The following ZFHX3 variants were observed in gnomAD, a reference collection of about 807,000 sequenced individuals.
ZFHX3 encodes the protein zinc finger homeobox protein 3.
Under a neutral mutation model 279.1 loss-of-function variants are expected in ZFHX3, and 42 were observed. The observed-to-expected ratio is 0.15, with a 90% confidence interval of 0.12 to 0.19. The LOEUF (loss-of-function observed/expected upper bound fraction) is 0.19, where lower values mean the gene tolerates loss of function less well. Ranked by LOEUF, ZFHX3 falls within the 10% of genes least tolerant of loss-of-function variation. ZFHX3 has a pLI of 1.00. For missense variants in ZFHX3, 4,981 were observed against 4,754.0 expected (o/e 1.05, Z -1.40); for synonymous variants, 2,293 against 1,957.8 (o/e 1.17, Z -4.52).
chr16:73,457,769 C>A (rs561476357), intron 2 of ZFHX3, among the ~76,000 whole-genome samples: 2 of 151,894 alleles, frequency 1.3e-5, no homozygotes, highest in African/African-American at 4.8e-5. Context: ...AGCGAGACTC[C>A]GTCTCAAAAA....
chr16:73,218,187 C>A (rs2012281338), intron 5 of ZFHX3, among the ~76,000 whole-genome samples: 1 of 152,124 alleles, frequency 6.6e-6, no homozygotes, highest in South Asian at 2.1e-4. Flanking sequence ...AGGCTAGAGA[C>A]AGCACATCAG....
chr16:73,652,983 G>C (rs2052685607), intron 2 of ZFHX3, among the ~76,000 whole-genome samples: 1 of 151,808 alleles, frequency 6.6e-6, no homozygotes, highest in Non-Finnish European at 1.5e-5. Context: ...GTTTATAAAA[G>C]ACATATCTAC....
At chr16:73,139,674 G>T (rs539428832) in intron 6 of ZFHX3, among the ~76,000 whole-genome samples, 40 of 152,298 alleles carry the variant, frequency 2.6e-4, no homozygotes, top group African/African-American at 9.1e-4. Flanking sequence ...GGCTGCCGCC[G>T]TGATGCTCCA....
At chr16:72,897,270 C>T (rs1473206581) in intron 3 of ZFHX3, among the ~76,000 whole-genome samples, 1 of 152,136 alleles carries the variant, frequency 6.6e-6, no homozygotes, top group Non-Finnish European at 1.5e-5. Context: ...AGGGAGAGGA[C>T]TATGTAATCT....
chr16:73,067,473 T>C (rs1445318248), intron 8 of ZFHX3, among the ~76,000 whole-genome samples: 1 of 152,192 alleles, frequency 6.6e-6, no homozygotes, highest in African/African-American at 2.4e-5. Context: ...GGGTGCTGGC[T>C]TGTCCCTGCC....
chr16:72,960,863 G>GGAGGCGTCAGTCC (rs1961544798), intron 1 of ZFHX3, among the ~76,000 whole-genome samples: 1 of 152,098 alleles, frequency 6.6e-6, no homozygotes, highest in Non-Finnish European at 1.5e-5. Flanking sequence ...TCCAGATCTG[G>GGAGGCGTCAGTCC]GAGGCGTCAG....
chr16:73,126,411 C>G (rs1361917957), intron 7 of ZFHX3, among the ~76,000 whole-genome samples: 1 of 152,034 alleles, frequency 6.6e-6, no homozygotes, highest in Non-Finnish European at 1.5e-5. Context: ...AGGGGAAGCA[C>G]AACAGGACTT....
Position 72,812,015 on chromosome 16 carries a change from CCTT to C in ZFHX3, c.3550_3552del (p.Lys1184del). 18 of 1,614,138 alleles carry C rather than the reference CCTT, an allele frequency of 1.1e-5. No homozygotes were observed. The highest frequency in any genetic ancestry group is 1.5e-5 in the Non-Finnish European group (18 of 1,180,022). On this transcript the variant is annotated inframe_deletion, in exon 6 of 10. Transcript: ENST00000268489. ...GAGGTTGCAGGAGAATCTGTCAGCTCCTTCTCTGCTTGGCTGGACGATGCTAAA... is the reference window on the plus strand; with the variant it reads ...GAGGTTGCAGGAGAATCTGTCAGCTCCTCTGCTTGGCTGGACGATGCTAAA...
intron 1 of ZFHX3, among the ~76,000 whole-genome samples, chr16:73,745,890 A>G (rs1274839883): frequency 1.3e-5 from 2 of 151,134 alleles, no homozygotes; most frequent in African/African-American, 4.9e-5. Context: ...CCCAGATCCA[A>G]ACCAAAAATT....
intron 3 of ZFHX3, among the ~76,000 whole-genome samples, chr16:73,365,229 G>A (rs762193458): frequency 5.9e-5 from 9 of 152,238 alleles, no homozygotes; most frequent in East Asian, 1.9e-4. Flanking sequence ...CTGGCTGCCC[G>A]TGCACTTGCA....
chr16:73,822,632 G>A (rs1287911803), intron 1 of ZFHX3, among the ~76,000 whole-genome samples: 1 of 152,002 alleles, frequency 6.6e-6, no homozygotes, highest in Non-Finnish European at 1.5e-5. Flanking sequence ...GAAAGGAATC[G>A]TTCTCATCAT....
intron 4 of ZFHX3, among the ~76,000 whole-genome samples, chr16:72,865,510 G>A (rs1345816931): frequency 1.3e-5 from 2 of 152,228 alleles, no homozygotes; most frequent in Admixed American, 6.5e-5. Flanking sequence ...CTCCCAGAAT[G>A]AACTTGGATC....
At chr16:72,920,900 C>A (rs994066896) in intron 3 of ZFHX3, among the ~76,000 whole-genome samples, 3 of 151,642 alleles carry the variant, frequency 2.0e-5, no homozygotes, top group South Asian at 2.1e-4. Context: ...TGAGACCCCC[C>A]ATATCTACAA....
chr16:73,235,371 C>T (rs1394090179), intron 5 of ZFHX3, among the ~76,000 whole-genome samples: 1 of 152,212 alleles, frequency 6.6e-6, no homozygotes, highest in Non-Finnish European at 1.5e-5. Context: ...TGGTGAGGCA[C>T]CATGCCCGGC....
chr16:72,879,920 A>T (rs2038417879), intron 4 of ZFHX3, among the ~76,000 whole-genome samples: 1 of 152,226 alleles, frequency 6.6e-6, no homozygotes, highest in Non-Finnish European at 1.5e-5. Flanking sequence ...GGGCTGTGTG[A>T]GAACAGGCAA....
At position 72,788,063 on chromosome 16, in the gene ZFHX3, G is replaced by T. The variant is rs140577707; in HGVS notation, c.10213C>A (p.Pro3405Thr). The change falls in exon 10 of 10, where the codon CCC becomes ACC. Residue 3405 changes from proline to threonine, a missense_variant. Transcript: ENST00000268489. ...QPKASQTPVP[P>T]GAPSPDKDPA... ...TCTTTGTCTGGGGAAGGAGCCCCGGGGGGGACTGGGGTTTGGCTTGCTTTG... is the reference window on the plus strand; with the variant it reads ...TCTTTGTCTGGGGAAGGAGCCCCGGTGGGGACTGGGGTTTGGCTTGCTTTG... 1.8e-5 allele frequency: 29 copies of T among 1,611,816 alleles called. No individual in the cohort carries two copies. The highest frequency in any genetic ancestry group is 2.2e-5 in the East Asian group (1 of 44,882).
chr16:73,679,035 T>G (rs1597061702), intron 2 of ZFHX3, among the ~76,000 whole-genome samples: 1 of 152,236 alleles, frequency 6.6e-6, no homozygotes, highest in Middle Eastern at 3.4e-3. Flanking sequence ...CAAGCCTGGC[T>G]CGTGCTCATA....
upstream of ZFHX3, chr16:73,060,239 A>AG (rs1429928188): frequency 2.6e-5 from 4 of 151,892 alleles, no homozygotes; most frequent in African/African-American, 9.7e-5. Flanking sequence ...AAAAAAAAAA[A>AG]AAAGCCTTAC....
At chr16:73,227,183 A>G (rs2012621545) in intron 5 of ZFHX3, among the ~76,000 whole-genome samples, 1 of 152,218 alleles carries the variant, frequency 6.6e-6, no homozygotes, top group Non-Finnish European at 1.5e-5. Context: ...AAAAAAAATG[A>G]GGAGATAATA....
Sources: gnomAD v4.1 joint callset for allele counts (sites outside exome capture counted in the v4.1 genomes callset) on GRCh38, gnomAD v4.1.1 for gene constraint, MANE v1.5 for transcripts, NCBI Gene and HGNC (gene_info 2026-07-23, HGNC 2026-07-21) for gene names.